The following CKS2 variants were observed in gnomAD, a reference collection of about 807,000 sequenced individuals.
CKS2 encodes cyclin-dependent kinases regulatory subunit 2.
CKS2 carries 4 observed loss-of-function variants against 14.3 expected under a neutral mutation model. The observed-to-expected ratio is 0.28, with a 90% CI of 0.14 to 0.64. The LOEUF is 0.64. Among genes scored for constraint, CKS2 ranks in the 30% least tolerant of loss-of-function variants. CKS2 has a pLI of 0.83. For synonymous variants in CKS2, 33 were observed against 28.7 expected, an observed-to-expected ratio of 1.15 and a Z score of -0.48; for missense variants, 71 against 94.3, an observed-to-expected ratio of 0.75 and a Z score of 1.02.
rs3211685 is a variant in CKS2 at position 89,315,386 on chromosome 9, A to T, written c.187+89A>T. On this transcript the variant is annotated intron_variant, in intron 2 of 2. Transcript: ENST00000314355. ...AATTTTAAAAATATCATTGACATCAAATGATATCTGAAAGTAACTGTTCTG... is the reference window on the plus strand; with the variant it reads ...AATTTTAAAAATATCATTGACATCATATGATATCTGAAAGTAACTGTTCTG... 3.0e-3 allele frequency: 3,541 copies of T among 1,190,612 alleles called. 37 individuals carry two copies. The highest frequency in any genetic ancestry group is 0.021 in the African/African-American group (1,330 of 63,692). The allele number at this position is 1,190,612 out of a possible 1,614,324, so 73.8% of individuals were successfully genotyped here. A position where few individuals can be genotyped will look rare whatever the true frequency, so the allele number is the denominator to read the frequency against.
At chr9:89,314,126 G>A (rs1824667125) in intron 1 of CKS2, among the ~76,000 whole-genome samples, 1 of 152,202 alleles carries the variant, frequency 6.6e-6, no homozygotes. Context: ...TAAAAATTTG[G>A]GTTGGTGGTT....
At chr9:89,316,230 A>G (rs77994544) in intron 2 of CKS2, 143 bp from the exon 3 acceptor site, 5 of 588,028 alleles carry the variant, frequency 8.5e-6, no homozygotes, top group South Asian at 4.5e-5. Flanking sequence ...AGTAACTGTG[A>G]AAAAAAAATC....
intron 2 of CKS2, among the ~76,000 whole-genome samples, chr9:89,315,867 C>T (rs1293462286): frequency 1.3e-5 from 2 of 152,138 alleles, no homozygotes; most frequent in African/African-American, 4.8e-5. Context: ...TTTGGATTAT[C>T]AGTAAATCTA....
intron 1 of CKS2, among the ~76,000 whole-genome samples, 185 bp downstream of exon 1, chr9:89,311,536 G>GT (rs1377224060): frequency 1.3e-5 from 2 of 152,222 alleles, no homozygotes; most frequent in African/African-American, 4.8e-5. Flanking sequence ...GACATGGTTG[G>GT]GTGCCTGGCC....
chr9:89,315,429 A>G (rs1824690582), intron 2 of CKS2, 132 bp downstream of exon 2: 39 of 670,696 alleles, frequency 5.8e-5, no homozygotes, highest in Non-Finnish European at 8.4e-5. Flanking sequence ...TTTTTTTTTA[A>G]TGACTAATTT....
rs370114711 is a variant in CKS2 at position 89,311,242 on chromosome 9, C to G, written c.-51C>G. ...CCTGGGCTGGACGTGGTTTTGTCTG[C>G]TGCGCCCGCTCTTCGCGCTCTCGTT... On this transcript the variant is annotated 5_prime_UTR_variant, in exon 1 of 3. Coordinates refer to ENST00000314355, the MANE Select transcript of CKS2 (RefSeq NM_001827.3). 6.5e-7 allele frequency: 1 copy of G among 1,536,046 alleles called. No homozygotes were observed. The highest frequency in any genetic ancestry group is 9.0e-7 in the Non-Finnish European group (1 of 1,114,804).
intron 2 of CKS2, 42 bp downstream of exon 2, chr9:89,315,339 T>C (rs1257008053): frequency 6.8e-7 from 1 of 1,462,026 alleles, no homozygotes; most frequent in Non-Finnish European, 9.1e-7. Flanking sequence ...ATTGTTGAAA[T>C]ATTGGTGGTT....
In CKS2 at chr9:89,316,459, T is replaced by A. The variant is rs772339833; in HGVS notation, c.*34T>A. ...TGGGGATCGTCAAATCTTTTTCAAA[T>A]TTAATGTATATGTGTATATAAGGTA... is the stretch of plus-strand genomic sequence containing the variant. On this transcript the variant is annotated 3_prime_UTR_variant, in exon 3 of 3. Transcript: ENST00000314355. The A allele has an allele frequency of 7.4e-7, 1 of 1,342,444 alleles. No homozygotes were observed. The allele number at this position is 1,342,444 out of a possible 1,614,324, so 83.2% of individuals were successfully genotyped here. A position where few individuals can be genotyped will look rare whatever the true frequency, so the allele number is the denominator to read the frequency against.
In CKS2 at chr9:89,312,764, T is replaced by C. The variant is rs988704836; in HGVS notation, c.59+1413T>C. ...CTGGCAGTGTTCAATTATGCGATGT[T>C]AATCAAGAGCCCTATTGAGGATATC... On this transcript the variant is annotated intron_variant, in intron 1 of 2. Coordinates refer to ENST00000314355, the MANE Select transcript of CKS2 (RefSeq NM_001827.3). Among the ~76,000 whole-genome samples, 4 of 152,220 alleles carry C rather than the reference T, an allele frequency of 2.6e-5. No homozygotes were observed. The East Asian group carries it at 7.7e-4, about 29-fold the overall frequency.
Position 89,311,210 on chromosome 9 carries a change from G to A in CKS2, c.-83G>A, listed in dbSNP as rs148627013. 1.9e-3 allele frequency: 2,185 copies of A among 1,169,930 alleles called. 7 individuals are homozygous for A. Among genetic ancestry groups the A allele is most frequent in the Non-Finnish European group, 2.5e-3 (1,949 of 794,124 alleles). 72.5% of individuals were successfully genotyped at this position (1,169,930 alleles called of 1,614,324 possible). ...GACTGCGGTCGTTAGTCTCCGGCGAGTTGTTGCCTGGGCTGGACGTGGTTT... is the reference window on the plus strand; with the variant it reads ...GACTGCGGTCGTTAGTCTCCGGCGAATTGTTGCCTGGGCTGGACGTGGTTT... On this transcript the variant is annotated 5_prime_UTR_variant, in exon 1 of 3. Coordinates refer to ENST00000314355, the MANE Select transcript of CKS2 (RefSeq NM_001827.3).
intron 2 of CKS2, 95 bp downstream of exon 2, chr9:89,315,392 A>ATTTTTAAAATATTGGTGGTTATGGTTG: frequency 8.9e-7 from 1 of 1,128,040 alleles, no homozygotes; most frequent in Non-Finnish European, 1.2e-6. Flanking sequence ...ATCAAATGAT[A>ATTTTTAAAATATTGGTGGTTATGGTTG]TCTGAAAGTA....
At chr9:89,316,225 CTG>C (rs1443261892) in intron 2 of CKS2, 146 bp from the exon 3 acceptor site, 27 of 608,728 alleles carry the variant, frequency 4.4e-5, no homozygotes, top group East Asian at 3.6e-4. Flanking sequence ...TAGACAGTAA[CTG>C]TGAAAAAAAA....
Position 89,311,264 on chromosome 9 carries a change from C to G in CKS2, c.-29C>G. ...CTGCTGCGCCCGCTCTTCGCGCTCT[C>G]GTTTCATTTTCTGCAGCGCGCCAGC... On this transcript the variant is annotated 5_prime_UTR_variant, in exon 1 of 3. Transcript: ENST00000314355. The G allele has an allele frequency of 1.2e-6, 2 of 1,602,544 alleles. No individual in the cohort carries two copies. The highest frequency in any genetic ancestry group is 1.7e-6 in the Non-Finnish European group (2 of 1,172,542).
intron 1 of CKS2, among the ~76,000 whole-genome samples, chr9:89,313,268 ATCTT>A (rs1824652400): frequency 6.6e-6 from 1 of 152,106 alleles, no homozygotes; most frequent in African/African-American, 2.4e-5. Flanking sequence ...AGTTATCTCT[ATCTT>A]TCTTTGATTT....
intron 1 of CKS2, among the ~76,000 whole-genome samples, chr9:89,312,988 T>C (rs1237033011): frequency 1.3e-5 from 2 of 152,234 alleles, no homozygotes; most frequent in African/African-American, 4.8e-5. Flanking sequence ...AGTTTTAATA[T>C]ACTCAAATGA....
rs1824602752 is a variant in CKS2, at chr9:89,311,371, C to T, written c.59+20C>T. On this transcript the variant is annotated intron_variant, in intron 1 of 2. Transcript: ENST00000314355. ...GTACCGGTGGGCGCCTTTCTTAGACCCCGAGCCGGCTCCCTCAGCCGGGGC... is the reference window on the plus strand; with the variant it reads ...GTACCGGTGGGCGCCTTTCTTAGACTCCGAGCCGGCTCCCTCAGCCGGGGC... The T allele has an allele frequency of 6.3e-7, 1 of 1,592,178 alleles. No homozygotes were observed. The highest frequency in any genetic ancestry group is 8.5e-7 in the Non-Finnish European group (1 of 1,171,582).
chr9:89,311,501 G>C lies in CKS2; in HGVS notation c.59+150G>C, dbSNP rs543136244. 536 of 533,266 alleles carry C rather than the reference G, an allele frequency of 1.0e-3. 4 individuals carry two copies. Among genetic ancestry groups the C allele is most frequent in the African/African-American group, 1.0e-2 (493 of 49,422 alleles). 33.0% of individuals were successfully genotyped at this position (533,266 alleles called of 1,614,324 possible). ...GGCGAGGGCCGGGGTTTGGGGTCGC[G>C]GCCACCTGGCGCCCCGCGCAGTCGG... On this transcript the variant is annotated intron_variant, in intron 1 of 2. Coordinates refer to ENST00000314355, the MANE Select transcript of CKS2 (RefSeq NM_001827.3).
At chr9:89,311,757 ACCAGT>A (rs1274832355) in intron 1 of CKS2, among the ~76,000 whole-genome samples, 1 of 152,068 alleles carries the variant, frequency 6.6e-6, no homozygotes, top group Non-Finnish European at 1.5e-5. Context: ...AGTTCTTTGA[ACCAGT>A]CCAGGAAAAC....
At position 89,311,299 on chromosome 9, in the gene CKS2, C is replaced by T. The variant is rs768767950; in HGVS notation, c.7C>T (p.His3Tyr). The T allele has an allele frequency of 2.5e-6, 4 of 1,611,214 alleles. No individual in the cohort carries two copies. The highest frequency in any genetic ancestry group is 1.7e-5 in the Admixed American group (1 of 59,752). Residue 3 changes from histidine to tyrosine, a missense_variant, in exon 1 of 3, where the codon CAC becomes TAC. Physicochemically the swap from His to Tyr is moderately conservative, Grantham distance 83. Coordinates refer to ENST00000314355, the MANE Select transcript of CKS2 (RefSeq NM_001827.3). ...TCTGCAGCGCGCCAGCAGGATGGCC[C>T]ACAAGCAGATCTACTACTCGGACAA... The part of the protein sequence containing the change: MA[H>Y]KQIYYSDKYF...
Sources: gnomAD v4.1 joint callset for allele counts (sites outside exome capture counted in the v4.1 genomes callset) on GRCh38, gnomAD v4.1.1 for gene constraint, MANE v1.5 for transcripts, NCBI Gene and HGNC (gene_info 2026-07-23, HGNC 2026-07-21) for gene names.